Variants in NT5C3A observed in about 807,000 individuals in gnomAD.
NT5C3A encodes the protein 5'-nucleotidase, cytosolic IIIA, also known as cytosolic 5'-nucleotidase 3A.
NT5C3A carries 23 observed loss-of-function variants against 40.0 expected under a neutral mutation model. The ratio of observed to expected loss-of-function variants is 0.58; its 90% CI spans 0.41 to 0.81. The LOEUF (loss-of-function observed/expected upper bound fraction) is 0.81, where lower values mean the gene tolerates loss of function less well. NT5C3A is among the 40% of genes least tolerant of loss of function. The pLI, the probability that NT5C3A is intolerant of heterozygous loss-of-function variation, is 0.00. For synonymous variants in NT5C3A, 130 were observed against 141.4 expected, an observed-to-expected ratio of 0.92 and a Z score of 0.57; for missense variants, 328 against 403.0, an observed-to-expected ratio of 0.81 and a Z score of 1.59.
At chr7:33,048,055 T>A (rs1336970684) in intron 1 of NT5C3A, among the ~76,000 whole-genome samples, 1 of 152,070 alleles carries the variant, frequency 6.6e-6, no homozygotes, top group East Asian at 1.9e-4. Flanking sequence ...AAATTCTGTA[T>A]TTAAATAAAC....
chr7:33,034,155 T>G (rs1040084248), intron 1 of NT5C3A, among the ~76,000 whole-genome samples: 21 of 152,210 alleles, frequency 1.4e-4, no homozygotes, highest in African/African-American at 4.1e-4. Flanking sequence ...CCTCTCAAAG[T>G]GCTGGGATTA....
At chr7:33,039,912 T>A (rs1031619393) in intron 1 of NT5C3A, among the ~76,000 whole-genome samples, 1 of 152,212 alleles carries the variant, frequency 6.6e-6, no homozygotes, top group African/African-American at 2.4e-5. Context: ...CAGAATTTTG[T>A]GGATATTTAT....
intron 1 of NT5C3A, among the ~76,000 whole-genome samples, chr7:33,037,391 C>G (rs906254482): frequency 6.6e-6 from 1 of 152,096 alleles, no homozygotes; most frequent in Non-Finnish European, 1.5e-5. Flanking sequence ...TTTACTTTTA[C>G]TTTATTTCAG....
chr7:33,041,290 AG>A (rs1786900724), intron 1 of NT5C3A: 1 of 255,030 alleles, frequency 3.9e-6, no homozygotes, highest in African/African-American at 2.3e-5. Context: ...TAAAAAGATT[AG>A]GTTGCTGTTG....
At chr7:33,022,470 GATA>G (rs1785682940) in intron 3 of NT5C3A, among the ~76,000 whole-genome samples, 7 of 152,072 alleles carry the variant, frequency 4.6e-5, no homozygotes, top group African/African-American at 1.7e-4. Context: ...GTAATAAAAA[GATA>G]ATAAATGCTT....
chr7:33,051,365 T>C (rs375771229), intron 1 of NT5C3A, among the ~76,000 whole-genome samples: 5 of 152,258 alleles, frequency 3.3e-5, no homozygotes, highest in African/African-American at 2.4e-5. Flanking sequence ...GGTTTCACCA[T>C]GTTGGTCAGG....
intron 1 of NT5C3A, among the ~76,000 whole-genome samples, chr7:33,043,121 G>T (rs1400938965): frequency 1.3e-5 from 2 of 152,088 alleles, no homozygotes; most frequent in African/African-American, 4.8e-5. Flanking sequence ...TTGATAAGCG[G>T]CAGAAATGGA....
chr7:33,018,177 A>G (rs1222404058), intron 6 of NT5C3A, among the ~76,000 whole-genome samples: 1 of 152,218 alleles, frequency 6.6e-6, no homozygotes, highest in African/African-American at 2.4e-5. Flanking sequence ...CAACAAATAC[A>G]TTTACATGAT....
At chr7:33,030,487 A>C (rs1325150908) in intron 1 of NT5C3A, among the ~76,000 whole-genome samples, 2 of 152,210 alleles carry the variant, frequency 1.3e-5, no homozygotes, top group Non-Finnish European at 2.9e-5. Context: ...AATTTTATGA[A>C]AAATAAATAA....
chr7:33,036,801 A>AT (rs1210152690), intron 1 of NT5C3A, among the ~76,000 whole-genome samples: 1 of 151,766 alleles, frequency 6.6e-6, no homozygotes, highest in Non-Finnish European at 1.5e-5. Flanking sequence ...TTTTATTTTT[A>AT]TTTTTTTATT....
In NT5C3A at chr7:33,055,923, C is replaced by A. The variant is rs575768390; in HGVS notation, c.138+6645G>T. On this transcript the variant is annotated intron_variant, in intron 1 of 8. Transcript: ENST00000610140. The stretch of plus-strand genomic sequence containing the variant: ...CCCAGGATTTTGAGACCAGCCTGGG[C>A]AACACAGCAAAGTCTTGTCTCTACA... 2.0e-5 allele frequency among the ~76,000 whole-genome samples: 3 copies of A among 152,192 alleles called. No homozygotes were observed. In the South Asian group the frequency reaches 6.2e-4, roughly 32 times the overall value.
chr7:33,041,998 AAAC>A (rs1238612610), intron 1 of NT5C3A, among the ~76,000 whole-genome samples: 3 of 152,316 alleles, frequency 2.0e-5, no homozygotes, highest in South Asian at 2.1e-4. Flanking sequence ...TCTCTATTAA[AAAC>A]AACATGAAAA....
chr7:33,057,322 G>A (rs1485958638), intron 1 of NT5C3A, among the ~76,000 whole-genome samples: 1 of 152,092 alleles, frequency 6.6e-6, no homozygotes, highest in Non-Finnish European at 1.5e-5. Flanking sequence ...AGCAATCTGA[G>A]AACAGCCTGG....
intron 7 of NT5C3A, among the ~76,000 whole-genome samples, chr7:33,016,484 C>T (rs1785335092): frequency 6.6e-6 from 1 of 150,876 alleles, no homozygotes; most frequent in African/African-American, 2.4e-5. Context: ...TCCTGACCAA[C>T]ATGGTGAAAC....
At chr7:33,042,174 C>T (rs138161589) in intron 1 of NT5C3A, among the ~76,000 whole-genome samples, 4,315 of 151,666 alleles carry the variant, frequency 0.028, 90 homozygotes, top group South Asian at 0.12. Context: ...CCATCTCTAC[C>T]AAAAATACAA....
At chr7:33,057,582 G>C (rs1008102395) in intron 1 of NT5C3A, among the ~76,000 whole-genome samples, 1 of 151,880 alleles carries the variant, frequency 6.6e-6, no homozygotes, top group African/African-American at 2.4e-5. Context: ...GTATGCTAAA[G>C]TTTTAAAAAA....
In NT5C3A at chr7:33,062,684, T is replaced by A; in HGVS notation, c.22A>T (p.Arg8Trp). ...CTGGCGCTCGCTACCGCGCCCACCC[T>A]CGCCACGGCCGCGCGGTCCATGGAC... MDRAAVA[R>W]VGAVASASVC... Residue 8 changes from arginine (R) to tryptophan (W), a missense_variant, in exon 1 of 9, where the codon AGG becomes TGG. Arg to Trp is a moderately radical substitution (Grantham distance 101). This residue lies in a region of NT5C3A where 280 missense variants were observed against 317.2 expected (regional missense o/e 0.88). Coordinates refer to ENST00000610140, the MANE Select transcript of NT5C3A (RefSeq NM_001002010.5). The A allele has an allele frequency of 6.4e-7, 1 of 1,573,550 alleles. No homozygotes were observed.
intron 2 of NT5C3A, among the ~76,000 whole-genome samples, chr7:33,026,256 C>A (rs567604458): frequency 5.6e-5 from 8 of 143,220 alleles, no homozygotes; most frequent in Non-Finnish European, 1.0e-4. Context: ...GGCGGAGGTA[C>A]GAAAATCGCC....
intron 1 of NT5C3A, among the ~76,000 whole-genome samples, chr7:33,053,162 C>T (rs927798420): frequency 6.6e-6 from 1 of 152,104 alleles, no homozygotes; most frequent in Admixed American, 6.5e-5. Context: ...TGAGCCTGGG[C>T]AACATAACAA....
Sources: gnomAD v4.1 joint callset for allele counts (sites outside exome capture counted in the v4.1 genomes callset) on GRCh38, gnomAD v4.1.1 for gene constraint, gnomAD v4.1.1 regional missense constraint, MANE v1.5 for transcripts, NCBI Gene and HGNC (gene_info 2026-07-23, HGNC 2026-07-21) for gene names.